SAMD3: variants seen among roughly 807,000 people sequenced by gnomAD.
The protein encoded by SAMD3 is sterile alpha motif domain containing 3.
A neutral mutation model predicts 58.5 loss-of-function variants in SAMD3; 63 were observed. The ratio of observed to expected loss-of-function variants is 1.08; its 90% CI spans 0.88 to 1.33. SAMD3 has a LOEUF of 1.33. SAMD3 is among the 40% of genes most tolerant of loss of function. The pLI is 0.00. For synonymous variants in SAMD3, 220 were observed against 210.3 expected (o/e 1.05, Z -0.40); for missense variants, 604 against 608.4 (o/e 0.99, Z 0.08).
At chr6:130,350,922 C>A (rs1395372829) in intron 1 of SAMD3, among the ~76,000 whole-genome samples, 1 of 152,128 alleles carries the variant, frequency 6.6e-6, no homozygotes, top group Admixed American at 6.5e-5. Flanking sequence ...GATAATGCCG[C>A]ATATCTACAA....
intron 2 of SAMD3, among the ~76,000 whole-genome samples, chr6:130,231,730 T>C (rs1796555352): frequency 6.6e-6 from 1 of 152,196 alleles, no homozygotes; most frequent in South Asian, 2.1e-4. Flanking sequence ...CCTTTTTTCA[T>C]AGGTGGCTCA....
At chr6:130,215,835 T>C in intron 2 of SAMD3, 13 of 1,534,930 alleles carry the variant, frequency 8.5e-6, no homozygotes, top group Non-Finnish European at 1.1e-5. Context: ...GATTGTAACT[T>C]GCTGCTTCTC....
At chr6:130,190,666 G>T (rs1275705907) in intron 5 of SAMD3, among the ~76,000 whole-genome samples, 2 of 151,964 alleles carry the variant, frequency 1.3e-5, no homozygotes, top group East Asian at 3.9e-4. Context: ...ACTGGGAAAA[G>T]AGATTAAAAA....
chr6:130,193,561 TTTTCTC>T (rs2114749485), intron 5 of SAMD3, among the ~76,000 whole-genome samples: 1 of 152,202 alleles, frequency 6.6e-6, no homozygotes, highest in Non-Finnish European at 1.5e-5. Flanking sequence ...CTACTCTCCC[TTTTCTC>T]TGGGCTTGCC....
intron 2 of SAMD3, among the ~76,000 whole-genome samples, chr6:130,284,513 T>C (rs551691515): frequency 1.3e-5 from 2 of 152,248 alleles, no homozygotes; most frequent in South Asian, 4.2e-4. Context: ...AGAAGATAGA[T>C]ATAAATCCAA....
intron 5 of SAMD3, among the ~76,000 whole-genome samples, chr6:130,205,607 A>G (rs986340135): frequency 2.0e-5 from 3 of 152,168 alleles, no homozygotes; most frequent in Admixed American, 2.0e-4. Flanking sequence ...CTCAGCCCCA[A>G]GTTCCATTTT....
At chr6:130,339,357 T>C (rs1777202053) in intron 1 of SAMD3, among the ~76,000 whole-genome samples, 1 of 152,134 alleles carries the variant, frequency 6.6e-6, no homozygotes, top group African/African-American at 2.4e-5. Flanking sequence ...CCGAATCTCA[T>C]CTTAAATTGT....
At chr6:130,306,603 T>C (rs1216243158) in intron 2 of SAMD3, among the ~76,000 whole-genome samples, 1 of 152,200 alleles carries the variant, frequency 6.6e-6, no homozygotes, top group Non-Finnish European at 1.5e-5. Context: ...GTCCAGTCTC[T>C]TGTCAGTGCC....
intron 2 of SAMD3, among the ~76,000 whole-genome samples, chr6:130,268,812 T>A (rs1774452521): frequency 6.6e-6 from 1 of 152,160 alleles, no homozygotes; most frequent in Non-Finnish European, 1.5e-5. Context: ...TAAAAACACA[T>A]TTCTCAGAAT....
chr6:130,294,224 T>A (rs1393593613), intron 2 of SAMD3, among the ~76,000 whole-genome samples: 1 of 152,240 alleles, frequency 6.6e-6, no homozygotes, highest in Non-Finnish European at 1.5e-5. Context: ...TCAATTTGGA[T>A]GAGCTCAAGG....
chr6:130,184,370 C>G, intron 6 of SAMD3, 68 bp downstream of exon 6: 2 of 1,458,726 alleles, frequency 1.4e-6, no homozygotes, highest in Non-Finnish European at 9.4e-7. Flanking sequence ...GTTGATTCCA[C>G]AGGAATTCTA....
chr6:130,177,791 C>A (rs1276837661), intron 7 of SAMD3, among the ~76,000 whole-genome samples: 9 of 152,136 alleles, frequency 5.9e-5, no homozygotes, highest in African/African-American at 2.2e-4. Context: ...AAGGCTCATG[C>A]CTGCTTTGCC....
At chr6:130,160,737 A>C (rs1365775040) in intron 8 of SAMD3, 1 of 152,222 alleles carries the variant, frequency 6.6e-6, no homozygotes, top group Admixed American at 6.5e-5. Flanking sequence ...ATCTAGATTT[A>C]GATATATAGA....
At chr6:130,157,388 A>C (rs558124831) in intron 8 of SAMD3, among the ~76,000 whole-genome samples, 2 of 151,810 alleles carry the variant, frequency 1.3e-5, no homozygotes, top group Non-Finnish European at 2.9e-5. Flanking sequence ...ACCCAGGCTG[A>C]AGTGCAGTGG....
intron 2 of SAMD3, among the ~76,000 whole-genome samples, chr6:130,237,978 T>A (rs563855111): frequency 6.6e-6 from 1 of 152,276 alleles, no homozygotes; most frequent in East Asian, 1.9e-4. Flanking sequence ...TTAGCTGTTG[T>A]TTTTGCAAAT....
Position 130,209,575 on chromosome 6 carries a change from C to A in SAMD3, c.303G>T (p.Arg101Ser), listed in dbSNP as rs138130162. Residue 101 changes from arginine (R) to serine (S), a missense_variant, in exon 5 of 12, where the codon AGG (arginine) becomes AGT (serine). Transcript: ENST00000439090. ...AGAAAGATGGCATCTGCTCCCCATGCCTGGCTGGACTGGAGGACTCTTCAT... is the reference window on the plus strand; with the variant it reads ...AGAAAGATGGCATCTGCTCCCCATGACTGGCTGGACTGGAGGACTCTTCAT... The part of the protein sequence containing the change: ...YRDEESSSPA[R>S]HGEQMPSFYP... The A allele has an allele frequency of 6.6e-4, 1,068 of 1,613,724 alleles. 3 individuals are homozygous for A. The highest frequency in any genetic ancestry group is 7.7e-4 in the Non-Finnish European group (912 of 1,179,638).
intron 1 of SAMD3, among the ~76,000 whole-genome samples, chr6:130,337,709 A>C (rs561170110): frequency 2.6e-5 from 4 of 152,354 alleles, no homozygotes; most frequent in Admixed American, 2.6e-4. Context: ...GAGATGAGGA[A>C]CTTACTGGGA....
intron 8 of SAMD3, among the ~76,000 whole-genome samples, chr6:130,172,058 C>G (rs934681129): frequency 1.3e-5 from 2 of 152,092 alleles, no homozygotes; most frequent in Admixed American, 1.3e-4. Context: ...TTTCCATTTG[C>G]TTTGTAAATA....
chr6:130,279,170 C>T (rs1353995964), intron 2 of SAMD3, among the ~76,000 whole-genome samples: 2 of 152,064 alleles, frequency 1.3e-5, no homozygotes, highest in African/African-American at 2.4e-5. Flanking sequence ...ATATAAAGTT[C>T]CTGTTCCTGG....
Sources: allele counts gnomAD v4.1 joint callset (sites outside exome capture counted in the v4.1 genomes callset), GRCh38; gene constraint gnomAD v4.1.1; transcripts MANE v1.5; gene names NCBI Gene and HGNC (gene_info 2026-07-23, HGNC 2026-07-21).